The following FER variants were observed in gnomAD, a reference collection of about 807,000 sequenced individuals.
FER encodes FER tyrosine kinase.
FER carries 63 observed loss-of-function variants against 111.0 expected under a neutral mutation model. That is an observed-to-expected ratio of 0.57 (90% CI 0.46 to 0.70). FER has a LOEUF of 0.70. Ranked by LOEUF, FER falls within the 30% of genes least tolerant of loss-of-function variation. The pLI, the probability that FER is intolerant of heterozygous loss-of-function variation, is 0.00. For missense variants in FER, 914 were observed against 954.0 expected (o/e 0.96, Z 0.55); for synonymous variants, 327 against 313.9 (o/e 1.04, Z -0.44).
chr5:109,070,605 G>A (rs886779612), intron 16 of FER, among the ~76,000 whole-genome samples: 3 of 151,886 alleles, frequency 2.0e-5, no homozygotes, highest in Admixed American at 6.6e-5. Flanking sequence ...GAATTGCGAG[G>A]TGGACCTGTT....
At chr5:109,021,544 G>A (rs1385024137) in intron 13 of FER, among the ~76,000 whole-genome samples, 1 of 152,004 alleles carries the variant, frequency 6.6e-6, no homozygotes, top group Non-Finnish European at 1.5e-5. Flanking sequence ...TTTCCTAAAA[G>A]TAAGCTTTCT....
At chr5:108,764,655 C>T (rs896061798) in intron 1 of FER, among the ~76,000 whole-genome samples, 14 of 152,154 alleles carry the variant, frequency 9.2e-5, no homozygotes, top group Admixed American at 8.5e-4. Context: ...CCTTGACCTC[C>T]CAAAGTGCTG....
intron 11 of FER, among the ~76,000 whole-genome samples, chr5:108,949,238 T>G (rs901181583): frequency 1.4e-4 from 22 of 152,064 alleles, no homozygotes; most frequent in Non-Finnish European, 2.6e-4. Flanking sequence ...CTGCTTGTAT[T>G]TTTTAGTGTT....
chr5:109,112,174 CATAG>C (rs1478583706), intron 17 of FER, among the ~76,000 whole-genome samples: 1 of 151,628 alleles, frequency 6.6e-6, no homozygotes, highest in African/African-American at 2.4e-5. Flanking sequence ...TAAAATAAGA[CATAG>C]ATAAGTTTTG....
At position 109,193,704 on chromosome 5, in the gene FER, C is replaced by G. The variant is rs1460640109; in HGVS notation, c.*6129C>G. ...GTATTTGACTTCTGATTACTATTTCCTTTTCTCATCTTTAGTTTTTCAAGA... is the reference window on the plus strand; with the variant it reads ...GTATTTGACTTCTGATTACTATTTCGTTTTCTCATCTTTAGTTTTTCAAGA... On this transcript the variant is annotated 3_prime_UTR_variant, in exon 20 of 20. Coordinates refer to ENST00000281092, the MANE Select transcript of FER (RefSeq NM_005246.4). 6.6e-6 allele frequency: 1 copy of G among 152,066 alleles called. No homozygotes were observed. The highest frequency in any genetic ancestry group is 1.5e-5 in the Non-Finnish European group (1 of 68,008). The allele number at this position is 152,066 out of a possible 1,614,324, so 9.4% of individuals were successfully genotyped here. A position where few individuals can be genotyped will look rare whatever the true frequency, so the allele number is the denominator to read the frequency against.
At chr5:109,155,487 G>A (rs1034877742) in intron 17 of FER, among the ~76,000 whole-genome samples, 2 of 151,900 alleles carry the variant, frequency 1.3e-5, no homozygotes, top group Non-Finnish European at 2.9e-5. Context: ...GAGTGACTAG[G>A]AAAGTTTAAT....
intron 14 of FER, 113 bp from the exon 15 acceptor site, chr5:109,044,567 G>A (rs1771673454): frequency 3.5e-6 from 2 of 565,662 alleles, no homozygotes. Context: ...TTCATCACTG[G>A]TGATATTGAC....
At chr5:109,119,584 G>A (rs942702578) in intron 17 of FER, among the ~76,000 whole-genome samples, 6 of 152,116 alleles carry the variant, frequency 3.9e-5, no homozygotes, top group African/African-American at 1.4e-4. Flanking sequence ...CTGTCTCGTT[G>A]ATCTGTCTGA....
chr5:109,077,433 C>T (rs1036635232), intron 16 of FER, among the ~76,000 whole-genome samples: 2 of 152,096 alleles, frequency 1.3e-5, no homozygotes, highest in African/African-American at 4.8e-5. Flanking sequence ...ATAATTTCTA[C>T]ATTCAGAATC....
At position 109,002,199 on chromosome 5, in the gene FER, A is replaced by G. The variant is rs530377927; in HGVS notation, c.1657-35223A>G. ...AAGCCAAAAGAACAAAGCTGGAGGC[A>G]TCACGCTACCTGACTTCAAACTATA... On this transcript the variant is annotated intron_variant, in intron 13 of 19. Transcript: ENST00000281092. Among the ~76,000 whole-genome samples, 5 of 152,066 alleles carry G rather than the reference A, an allele frequency of 3.3e-5. No homozygotes were observed. In the South Asian group the frequency reaches 1.0e-3, roughly 32 times the overall value.
chr5:109,090,490 C>T (rs1201152854), intron 16 of FER, among the ~76,000 whole-genome samples: 1 of 152,044 alleles, frequency 6.6e-6, no homozygotes, highest in Non-Finnish European at 1.5e-5. Flanking sequence ...AATAAATTTA[C>T]AGGCCAACCC....
chr5:108,788,175 T>C (rs1277715084), intron 2 of FER, among the ~76,000 whole-genome samples: 1 of 152,174 alleles, frequency 6.6e-6, no homozygotes, highest in East Asian at 1.9e-4. Context: ...GTTTTCCCCC[T>C]GTCCAGATGC....
chr5:109,175,020 T>G (rs1231320830), intron 17 of FER, among the ~76,000 whole-genome samples: 2 of 97,034 alleles, frequency 2.1e-5, no homozygotes, highest in African/African-American at 7.5e-5. Flanking sequence ...CTGAGTGACT[T>G]AACGTATAAA....
intron 16 of FER, among the ~76,000 whole-genome samples, chr5:109,092,449 G>T (rs530077863): frequency 6.6e-6 from 1 of 152,134 alleles, no homozygotes; most frequent in African/African-American, 2.4e-5. Context: ...TAAAAAATGA[G>T]CAAAGGACTT....
intron 2 of FER, among the ~76,000 whole-genome samples, chr5:108,791,304 A>T (rs150849373): frequency 1.1e-5 from 1 of 89,444 alleles, no homozygotes; most frequent in Admixed American, 1.0e-4. Flanking sequence ...GCTAAACTAC[A>T]TGTCTGTCTT....
chr5:109,037,400 C>T, intron 13 of FER, 22 bp from the exon 14 acceptor site: 1 of 1,604,280 alleles, frequency 6.2e-7, no homozygotes. Context: ...TACTAAACAA[C>T]TGTTCTTATT....
chr5:108,842,431 A>G (rs1761357614), intron 5 of FER: 2 of 152,208 alleles, frequency 1.3e-5, no homozygotes, highest in African/African-American at 4.8e-5. Flanking sequence ...GAGCTTTTGC[A>G]CAGCAAAAGG....
chr5:109,121,357 G>C (rs1750948132), intron 17 of FER, among the ~76,000 whole-genome samples: 1 of 152,088 alleles, frequency 6.6e-6, no homozygotes, highest in Non-Finnish European at 1.5e-5. Flanking sequence ...ATGATAATAT[G>C]GTTTTTGTCC....
At chr5:108,929,256 C>T (rs1754224431) in intron 10 of FER, among the ~76,000 whole-genome samples, 1 of 152,108 alleles carries the variant, frequency 6.6e-6, no homozygotes, top group African/African-American at 2.4e-5. Context: ...CTTAAAGTCT[C>T]TCTTTGCCAA....
Sources: allele counts gnomAD v4.1 joint callset (sites outside exome capture counted in the v4.1 genomes callset), GRCh38; gene constraint gnomAD v4.1.1; transcripts MANE v1.5; gene names NCBI Gene and HGNC (gene_info 2026-07-23, HGNC 2026-07-21).